Variants in DPP6 observed in about 807,000 individuals in gnomAD.
DPP6 encodes A-type potassium channel modulatory protein DPP6.
Under a neutral mutation model 122.6 loss-of-function variants are expected in DPP6, and 69 were observed. The observed-to-expected ratio is 0.56, with a 90% CI of 0.46 to 0.69. The LOEUF is 0.69. Ranked by LOEUF, DPP6 falls within the 30% of genes least tolerant of loss-of-function variation. The pLI is 0.00. For missense variants in DPP6, 928 were observed against 1,116.9 expected, an observed-to-expected ratio of 0.83 and a Z score of 2.41; for synonymous variants, 418 against 433.1, an observed-to-expected ratio of 0.97 and a Z score of 0.43.
At chr7:154,309,352 T>A (rs541561457) in intron 1 of DPP6, among the ~76,000 whole-genome samples, 1 of 152,302 alleles carries the variant, frequency 6.6e-6, no homozygotes, top group East Asian at 1.9e-4. Context: ...TATTAAATTA[T>A]GAGCCCCAGG....
At chr7:154,196,624 G>C (rs1798881320) in intron 1 of DPP6, among the ~76,000 whole-genome samples, 1 of 152,220 alleles carries the variant, frequency 6.6e-6, no homozygotes. Flanking sequence ...GCCATGGGGA[G>C]CATTGCACTG....
intron 1 of DPP6, among the ~76,000 whole-genome samples, chr7:154,124,644 GCAAA>G (rs1807743691): frequency 6.6e-6 from 1 of 152,222 alleles, no homozygotes; most frequent in Non-Finnish European, 1.5e-5. Context: ...GATTTGACTT[GCAAA>G]CAGAGTGGAA....
At chr7:154,546,090 T>C (rs76130064) in intron 4 of DPP6, among the ~76,000 whole-genome samples, 4,224 of 152,234 alleles carry the variant, frequency 0.028, 192 homozygotes, top group African/African-American at 0.094. Context: ...TACTTGAAAC[T>C]AGGAAAATGA....
chr7:153,826,518 AATTTCCTGTTGTTTGCATAC>A, the DPP6 span, among the ~76,000 whole-genome samples: 7 of 152,292 alleles, frequency 4.6e-5, no homozygotes, highest in South Asian at 1.2e-3. Context: ...AAAGAGTTGC[AATTTCCTGTTGTTTGCATAC>A]ATATTCTGAA....
intron 1 of DPP6, among the ~76,000 whole-genome samples, chr7:154,327,698 G>A (rs749671248): frequency 3.9e-5 from 6 of 152,104 alleles, no homozygotes; most frequent in South Asian, 2.1e-4. Flanking sequence ...CTACATTGCC[G>A]GGGAAAATGG....
chr7:154,659,847 C>T (rs532582183), intron 6 of DPP6, among the ~76,000 whole-genome samples: 1 of 152,320 alleles, frequency 6.6e-6, no homozygotes, highest in South Asian at 2.1e-4. Flanking sequence ...AAAAAGAAAA[C>T]AATTACCTCT....
chr7:153,997,439 A>T (rs1361932733), intron 1 of DPP6, among the ~76,000 whole-genome samples: 1 of 151,970 alleles, frequency 6.6e-6, no homozygotes, highest in Non-Finnish European at 1.5e-5. Flanking sequence ...AATAACACAC[A>T]GTTTCTATGT....
intron 1 of DPP6, among the ~76,000 whole-genome samples, chr7:154,104,641 T>C (rs1806013436): frequency 1.3e-5 from 2 of 152,278 alleles, no homozygotes; most frequent in Non-Finnish European, 2.9e-5. Context: ...GGCATCTGCC[T>C]GTACACACTG....
intron 3 of DPP6, among the ~76,000 whole-genome samples, chr7:154,506,801 C>T (rs970048149): frequency 1.3e-5 from 2 of 152,178 alleles, no homozygotes; most frequent in African/African-American, 4.8e-5. Context: ...CTTTTAGAAG[C>T]TGCTTAGTGT....
intron 5 of DPP6, among the ~76,000 whole-genome samples, chr7:154,585,085 C>T (rs1003799724): frequency 1.1e-4 from 16 of 149,698 alleles, no homozygotes; most frequent in African/African-American, 4.0e-4. Context: ...GCCCTCCCTC[C>T]ACCCCTAGTC....
At chr7:154,721,920 C>T (rs947525567) in intron 7 of DPP6, among the ~76,000 whole-genome samples, 2 of 151,476 alleles carry the variant, frequency 1.3e-5, no homozygotes, top group African/African-American at 4.9e-5. Context: ...AATCCCAACA[C>T]TTGTGAAGCC....
At chr7:153,828,034 A>C in the DPP6 span, among the ~76,000 whole-genome samples, 1 of 152,028 alleles carries the variant, frequency 6.6e-6, no homozygotes, top group Non-Finnish European at 1.5e-5. Context: ...GCTTCTGGCC[A>C]TGGTGTTTTG....
the DPP6 span, among the ~76,000 whole-genome samples, chr7:153,795,890 G>A: frequency 6.7e-6 from 1 of 150,058 alleles, no homozygotes; most frequent in African/African-American, 2.5e-5. Context: ...ATTTAAAGGG[G>A]TATAATTTGG....
intron 1 of DPP6, among the ~76,000 whole-genome samples, chr7:154,077,749 C>G (rs1176549547): frequency 6.6e-6 from 1 of 151,598 alleles, no homozygotes; most frequent in Non-Finnish European, 1.5e-5. Flanking sequence ...GAGCTCACTG[C>G]AACCTCCGCC....
chr7:154,277,239 T>C (rs1325920802), intron 1 of DPP6, among the ~76,000 whole-genome samples: 1 of 152,156 alleles, frequency 6.6e-6, no homozygotes, highest in Non-Finnish European at 1.5e-5. Flanking sequence ...ACATAAATTT[T>C]AGGAGTAGGT....
chr7:153,795,428 G>A, the DPP6 span, among the ~76,000 whole-genome samples: 1 of 152,190 alleles, frequency 6.6e-6, no homozygotes, highest in African/African-American at 2.4e-5. Context: ...AAGAAAGAAA[G>A]AATAGAATCT....
intron 3 of DPP6, among the ~76,000 whole-genome samples, chr7:154,526,316 C>G (rs1827403693): frequency 6.6e-6 from 1 of 152,176 alleles, no homozygotes; most frequent in South Asian, 2.1e-4. Flanking sequence ...TCTTCCATAG[C>G]CATGGCCTGA....
chr7:154,531,456 G>A (rs897286681), intron 3 of DPP6, among the ~76,000 whole-genome samples: 1 of 152,046 alleles, frequency 6.6e-6, no homozygotes, highest in Non-Finnish European at 1.5e-5. Context: ...CAAGAATAAA[G>A]GTTAAATGAC....
chr7:154,153,827 G>GC (rs1166016383), intron 1 of DPP6, among the ~76,000 whole-genome samples: 2 of 152,080 alleles, frequency 1.3e-5, no homozygotes, highest in Non-Finnish European at 2.9e-5. Flanking sequence ...ACAACAGCAG[G>GC]CCCCGGGGCC....
Sources: gnomAD v4.1 joint callset for allele counts (sites outside exome capture counted in the v4.1 genomes callset) on GRCh38, gnomAD v4.1.1 for gene constraint, MANE v1.5 for transcripts, NCBI Gene and HGNC (gene_info 2026-07-23, HGNC 2026-07-21) for gene names.